The following NUP153 variants were observed in gnomAD, a reference collection of about 807,000 sequenced individuals.
NUP153 encodes nucleoporin 153.
Under a neutral mutation model 134.6 loss-of-function variants are expected in NUP153, and 27 were observed. The ratio of observed to expected loss-of-function variants is 0.20; its 90% CI spans 0.15 to 0.28. The LOEUF (loss-of-function observed/expected upper bound fraction) is 0.28, where lower values mean the gene tolerates loss of function less well. Among genes scored for constraint, NUP153 ranks in the 10% least tolerant of loss-of-function variants. The probability of loss-of-function intolerance (pLI) is 1.00; values close to 1 mark genes in which losing one functional copy is unlikely to be tolerated. For missense variants in NUP153, 1,821 were observed against 1,731.3 expected (o/e 1.05, Z -0.92); for synonymous variants, 640 against 623.5 (o/e 1.03, Z -0.40).
In NUP153 at chr6:17,680,090, C is replaced by T. The variant is rs1205099025; in HGVS notation, c.335-4320G>A. Among the ~76,000 whole-genome samples the T allele has an allele frequency of 6.6e-6, 1 of 152,108 alleles. No individual in the cohort carries two copies. The highest frequency in any genetic ancestry group is 1.9e-4 in the East Asian group (1 of 5,190). ...AAAAAAAATTCCTACTGGCTTTTTCCGGGAAGCCAGGAAGAGGATCCTTGA... is the reference window on the plus strand; with the variant it reads ...AAAAAAAATTCCTACTGGCTTTTTCTGGGAAGCCAGGAAGAGGATCCTTGA... On this transcript the variant is annotated intron_variant, in intron 2 of 21. Transcript: ENST00000262077. This position sits in a 1 kb window ranked among gnomAD's most constrained non-coding sequence, Gnocchi z 4.5.
chr6:17,705,756 G>C (rs1581796828), intron 1 of NUP153, among the ~76,000 whole-genome samples: 1 of 152,224 alleles, frequency 6.6e-6, no homozygotes, highest in East Asian at 1.9e-4. Context: ...CTCATAGGCT[G>C]AGACTAAGTT....
intron 11 of NUP153, among the ~76,000 whole-genome samples, chr6:17,655,506 T>C (rs535332046): frequency 6.0e-5 from 9 of 151,132 alleles, no homozygotes; most frequent in Middle Eastern, 6.8e-3. Flanking sequence ...CAGGCAGGAG[T>C]GCAGTGGTAC....
chr6:17,648,665 T>C (rs1202896122), intron 12 of NUP153, among the ~76,000 whole-genome samples: 1 of 152,044 alleles, frequency 6.6e-6, no homozygotes, highest in Non-Finnish European at 1.5e-5. Flanking sequence ...TAGCTGGGTG[T>C]GGTGGTGTAC....
intron 2 of NUP153, among the ~76,000 whole-genome samples, chr6:17,685,869 C>CA (rs1458048504): frequency 1.3e-5 from 2 of 151,750 alleles, no homozygotes; most frequent in Non-Finnish European, 2.9e-5. Context: ...AAAATTGACT[C>CA]ACAGGTGGTG....
At chr6:17,635,412 C>T (rs1036153854) in intron 16 of NUP153, among the ~76,000 whole-genome samples, 4 of 151,538 alleles carry the variant, frequency 2.6e-5, no homozygotes, top group African/African-American at 7.3e-5. Context: ...CCCGGCCTAT[C>T]ATTATTTGAG....
intron 11 of NUP153, among the ~76,000 whole-genome samples, chr6:17,649,737 A>G (rs1011412591): frequency 2.0e-5 from 3 of 152,256 alleles, no homozygotes; most frequent in Non-Finnish European, 4.4e-5. Context: ...ATTACATTAT[A>G]GTGTTATAAT....
intron 11 of NUP153, among the ~76,000 whole-genome samples, chr6:17,656,966 T>C (rs1214943895): frequency 6.6e-6 from 1 of 152,208 alleles, no homozygotes; most frequent in Non-Finnish European, 1.5e-5. Context: ...AGTTTTGTTA[T>C]CTTGCAAGTG....
At position 17,616,075 on chromosome 6, in the gene NUP153, G is replaced by A; in HGVS notation, c.*22C>T. 1 of 1,548,920 alleles carries A rather than the reference G, an allele frequency of 6.5e-7. No homozygotes were observed. The highest frequency in any genetic ancestry group is 8.9e-7 in the Non-Finnish European group (1 of 1,120,938). ...CAGGGCACCAGCTGTTGTTAAAATTGAGTACAACACCAATGTGACCTTTAT... is the reference window on the plus strand; with the variant it reads ...CAGGGCACCAGCTGTTGTTAAAATTAAGTACAACACCAATGTGACCTTTAT... On this transcript the variant is annotated 3_prime_UTR_variant, in exon 22 of 22. Coordinates refer to ENST00000262077, the MANE Select transcript of NUP153 (RefSeq NM_005124.4).
intron 17 of NUP153, among the ~76,000 whole-genome samples, chr6:17,632,255 C>T (rs938713163): frequency 2.0e-5 from 3 of 152,022 alleles, no homozygotes; most frequent in Non-Finnish European, 4.4e-5. Flanking sequence ...GAGCAGAGAT[C>T]GCGCCCCCGT....
chr6:17,668,857 T>A, intron 8 of NUP153, 118 bp downstream of exon 8: 1 of 642,594 alleles, frequency 1.6e-6, no homozygotes, highest in South Asian at 2.0e-5. Context: ...AAAAAAAGAA[T>A]ATTATTTTTC....
chr6:17,661,946 G>T, intron 10 of NUP153, 72 bp downstream of exon 10: 1 of 1,287,040 alleles, frequency 7.8e-7, no homozygotes, highest in Non-Finnish European at 1.1e-6. Flanking sequence ...CTTCAAAAAG[G>T]TACATGTAAA....
Position 17,706,196 on chromosome 6 carries a change from G to A in NUP153, c.111+81C>T, listed in dbSNP as rs574579212. Reference sequence around the variant, plus strand: ...AGGCCCTCCTGTCTGCTCCACGTGGGGCGCCGGGGCCTCGAACCGCCCGTC... The same window carrying A: ...AGGCCCTCCTGTCTGCTCCACGTGGAGCGCCGGGGCCTCGAACCGCCCGTC... On this transcript the variant is annotated intron_variant, in intron 1 of 21. Transcript: ENST00000262077. The surrounding 1 kb of genome is among the most constrained non-coding windows in gnomAD (Gnocchi z 5.9). The A allele has an allele frequency of 1.7e-5, 19 of 1,134,844 alleles. No individual in the cohort carries two copies. In the East Asian group the frequency reaches 4.4e-4, roughly 26 times the overall value. The allele number at this position is 1,134,844 out of a possible 1,614,324, so 70.3% of individuals were successfully genotyped here.
At chr6:17,700,003 C>T (rs78026797) in intron 1 of NUP153, among the ~76,000 whole-genome samples, 6,205 of 152,126 alleles carry the variant, frequency 0.041, 391 homozygotes, top group East Asian at 0.29. Context: ...TAATACCACA[C>T]AAAACCTCTC....
intron 18 of NUP153, among the ~76,000 whole-genome samples, chr6:17,626,902 T>G (rs1021690746): frequency 2.0e-5 from 3 of 152,210 alleles, no homozygotes; most frequent in African/African-American, 7.2e-5. Context: ...GTATGCCTTT[T>G]GTGTTCTTTT....
chr6:17,623,181 A>T (rs1278074016), intron 20 of NUP153, among the ~76,000 whole-genome samples: 3 of 151,916 alleles, frequency 2.0e-5, no homozygotes, highest in Non-Finnish European at 4.4e-5. Flanking sequence ...ACCTGTGTGA[A>T]AGAAATAGAA....
intron 11 of NUP153, chr6:17,651,840 T>C: frequency 1.5e-6 from 1 of 657,658 alleles, no homozygotes; most frequent in Non-Finnish European, 2.8e-6. Context: ...ATACCTGTAA[T>C]CTCAGCACTT....
Position 17,699,639 on chromosome 6 carries a change from C to T in NUP153, c.111+6638G>A, listed in dbSNP as rs576730741. On this transcript the variant is annotated intron_variant, in intron 1 of 21. Transcript: ENST00000262077. The stretch of plus-strand genomic sequence containing the variant: ...ATCACTTGAGGTCAGAAGTTTGAGA[C>T]CACCACACCAACATGGTGAAACCCC... 1.7e-4 allele frequency among the ~76,000 whole-genome samples: 26 copies of T among 152,192 alleles called. No individual in the cohort carries two copies. The South Asian group carries it at 2.7e-3, about 16-fold the overall frequency.
chr6:17,706,373 G>T lies in NUP153; in HGVS notation c.15C>A (p.Ala5=). The T allele has an allele frequency of 6.2e-7, 1 of 1,612,202 alleles. No homozygotes were observed. The highest frequency in any genetic ancestry group is 1.1e-5 in the South Asian group (1 of 91,062). Residue 5 remains alanine, a synonymous_variant, in exon 1 of 22, where the codon GCC becomes GCA. Coordinates refer to ENST00000262077, the MANE Select transcript of NUP153 (RefSeq NM_005124.4). The surrounding 1 kb of genome is among the most constrained non-coding windows in gnomAD (Gnocchi z 5.9). ...CGCCACCGCCCCCTCCGACTCCTCC[G>T]GCTCCCGAGGCCATGGCGGAGCCTC... MASG[A]GGVGGGGGGK... is the part of the protein sequence containing the mutation.
Position 17,669,556 on chromosome 6 carries a change from A to G in NUP153, c.853-10T>C. On this transcript the variant is annotated splice_polypyrimidine_tract_variant and intron_variant, in intron 5 of 21. Coordinates refer to ENST00000262077, the MANE Select transcript of NUP153 (RefSeq NM_005124.4). ...GTCTTCTAACTGGTGCCTGTAAAGT[A>G]AACCCTATATTATTTGTTGCAACAT... 6.5e-7 allele frequency: 1 copy of G among 1,538,362 alleles called. No homozygotes were observed. The highest frequency in any genetic ancestry group is 1.1e-5 in the South Asian group (1 of 89,520).
Sources: allele counts gnomAD v4.1 joint callset (sites outside exome capture counted in the v4.1 genomes callset), GRCh38; gene constraint gnomAD v4.1.1; non-coding constraint Gnocchi (gnomAD v3.1); transcripts MANE v1.5; gene names NCBI Gene and HGNC (gene_info 2026-07-23, HGNC 2026-07-21).